NECTIN3: variants seen among roughly 807,000 people sequenced by gnomAD.
The protein encoded by NECTIN3 is nectin-3.
A neutral mutation model predicts 49.4 loss-of-function variants in NECTIN3; 8 were observed. The ratio of observed to expected loss-of-function variants is 0.16; its 90% CI spans 0.10 to 0.29. NECTIN3 has a LOEUF of 0.29. NECTIN3 is among the 10% of genes least tolerant of loss of function. NECTIN3 has a pLI of 1.00. For missense variants in NECTIN3, 581 were observed against 654.6 expected, an observed-to-expected ratio of 0.89 and a Z score of 1.23; for synonymous variants, 277 against 241.1, an observed-to-expected ratio of 1.15 and a Z score of -1.38.
chr3:111,113,767 T>C (rs2033572494), intron 2 of NECTIN3, among the ~76,000 whole-genome samples: 1 of 152,134 alleles, frequency 6.6e-6, no homozygotes, highest in Non-Finnish European at 1.5e-5. Flanking sequence ...ATGGATCACT[T>C]GAGGCCAGGA....
At chr3:111,099,471 AT>A (rs2032777048) in intron 1 of NECTIN3, among the ~76,000 whole-genome samples, 1 of 152,172 alleles carries the variant, frequency 6.6e-6, no homozygotes, top group African/African-American at 2.4e-5. Context: ...TCTTTTCTAG[AT>A]TATCAGTTCT....
In NECTIN3 at chr3:111,136,092, A is replaced by G; in HGVS notation, c.*1877A>G. 1.0e-6 allele frequency: 1 copy of G among 984,042 alleles called. No homozygotes were observed. Among genetic ancestry groups the G allele is most frequent in the Non-Finnish European group, 1.2e-6 (1 of 828,828 alleles). The allele number at this position is 984,042 out of a possible 1,614,324, so 61.0% of individuals were successfully genotyped here. On this transcript the variant is annotated 3_prime_UTR_variant, in exon 6 of 6. Transcript: ENST00000485303. ...TTAATTTAAACGATGAGGTGGCCAG[A>G]AGAAAGATGGGTCTAAAATTTCTCC...
At chr3:111,122,843 A>G (rs964319445) in intron 4 of NECTIN3, among the ~76,000 whole-genome samples, 2 of 151,984 alleles carry the variant, frequency 1.3e-5, no homozygotes, top group South Asian at 4.1e-4. Flanking sequence ...ATATTTTGTC[A>G]GTATTTAGGG....
chr3:111,157,929 A>C (rs924367420), intron 7 of NECTIN3, among the ~76,000 whole-genome samples: 5 of 152,138 alleles, frequency 3.3e-5, no homozygotes, highest in African/African-American at 4.8e-5. Flanking sequence ...CTAATGGGTT[A>C]TTATAAAAGC....
At position 111,135,133 on chromosome 3, in the gene NECTIN3, C is replaced by G. The variant is rs1270382163; in HGVS notation, c.*918C>G. The G allele has an allele frequency of 1.0e-6, 1 of 980,874 alleles. No individual in the cohort carries two copies. The allele number at this position is 980,874 out of a possible 1,614,324, so 60.8% of individuals were successfully genotyped here. A position where few individuals can be genotyped will look rare whatever the true frequency, so the allele number is the denominator to read the frequency against. Reference sequence around the variant, plus strand: ...TTTTAGAAATGAGACTTTCAGCCAACAATCTATAGAAAGAATTTTATGGAC... The same window carrying G: ...TTTTAGAAATGAGACTTTCAGCCAAGAATCTATAGAAAGAATTTTATGGAC... On this transcript the variant is annotated 3_prime_UTR_variant, in exon 6 of 6. Transcript: ENST00000485303.
chr3:111,176,309 A>G (rs1348423927), intron 7 of NECTIN3, among the ~76,000 whole-genome samples: 1 of 152,202 alleles, frequency 6.6e-6, no homozygotes, highest in Non-Finnish European at 1.5e-5. Flanking sequence ...AGGATTCTCC[A>G]GCTTTTGTAT....
At chr3:111,153,171 C>T (rs763471270) in intron 7 of NECTIN3, among the ~76,000 whole-genome samples, 3 of 151,766 alleles carry the variant, frequency 2.0e-5, no homozygotes, top group Admixed American at 6.6e-5. Context: ...AAAATGTTTT[C>T]GTCTTTTATA....
intron 7 of NECTIN3, among the ~76,000 whole-genome samples, chr3:111,164,442 A>G (rs2035278294): frequency 6.6e-6 from 1 of 152,260 alleles, no homozygotes; most frequent in South Asian, 2.1e-4. Context: ...CCATTAGCAA[A>G]TACTGTGACT....
At chr3:111,072,473 G>A in intron 1 of NECTIN3, 1 of 1,535,862 alleles carries the variant, frequency 6.5e-7, no homozygotes, top group Non-Finnish European at 8.7e-7. Context: ...GTTTGCTCCG[G>A]GGACCGTTAC....
chr3:111,110,744 C>G (rs1273974825), intron 1 of NECTIN3, among the ~76,000 whole-genome samples: 1 of 151,966 alleles, frequency 6.6e-6, no homozygotes, highest in Non-Finnish European at 1.5e-5. Context: ...GGTTAAAAAA[C>G]TGAAACTTAA....
chr3:111,136,752 T>G lies in NECTIN3; in HGVS notation c.*2537T>G. On this transcript the variant is annotated 3_prime_UTR_variant, in exon 6 of 6. Transcript: ENST00000485303. ...TCATATGGTTTGAACTGTTTTAGCA[T>G]TTTGTAAATTCACTTGAGAGTTTTC... The G allele has an allele frequency of 1.1e-6, 1 of 922,608 alleles. No individual in the cohort carries two copies. The highest frequency in any genetic ancestry group is 1.3e-6 in the Non-Finnish European group (1 of 773,094). 57.2% of individuals were successfully genotyped at this position (922,608 alleles called of 1,614,324 possible).
chr3:111,194,097 T>C (rs537950449), intron 1 of NECTIN3, among the ~76,000 whole-genome samples: 1 of 152,204 alleles, frequency 6.6e-6, no homozygotes, highest in Non-Finnish European at 1.5e-5. Context: ...TCTGTCACTG[T>C]TCCTACAGTC....
chr3:111,177,733 C>T (rs779926476), intron 7 of NECTIN3, among the ~76,000 whole-genome samples: 1 of 152,098 alleles, frequency 6.6e-6, no homozygotes, highest in Non-Finnish European at 1.5e-5. Context: ...AGCAGAGATG[C>T]CCCTTGTGAA....
chr3:111,079,370 A>G (rs949834945), intron 1 of NECTIN3, among the ~76,000 whole-genome samples: 2 of 151,978 alleles, frequency 1.3e-5, no homozygotes, highest in African/African-American at 4.8e-5. Context: ...TTTTCATTAT[A>G]TTTGTAGTTA....
chr3:111,112,386 A>T lies in NECTIN3; in HGVS notation c.502+15A>T. 1 of 1,458,286 alleles carries T rather than the reference A, an allele frequency of 6.9e-7. No individual in the cohort carries two copies. The highest frequency in any genetic ancestry group is 2.3e-5 in the East Asian group (1 of 42,882). 90.3% of individuals were successfully genotyped at this position (1,458,286 alleles called of 1,614,324 possible). On this transcript the variant is annotated intron_variant, in intron 2 of 5. Coordinates refer to ENST00000485303, the MANE Select transcript of NECTIN3 (RefSeq NM_015480.3). ...AACTGTGTTAGGTAGGTATGCTTGA[A>T]TTATGTATTTTGGTGATAGTGGTGA...
rs940095502 is a variant in NECTIN3, at chr3:111,145,174, G to A, written c.1139+137G>A. 9 of 1,010,066 alleles carry A rather than the reference G, an allele frequency of 8.9e-6. No homozygotes were observed. In the Middle Eastern group the frequency reaches 6.9e-4, roughly 77 times the overall value. The allele number at this position is 1,010,066 out of a possible 1,614,324, so 62.6% of individuals were successfully genotyped here. On this transcript the variant is annotated intron_variant, in intron 6 of 8. Coordinates refer to the NECTIN3 transcript ENST00000493615. ...GTTAGGCCTTTGTTAGATGACCGTG[G>A]TTTCATCAGAATATCTCAAACTATA...
intron 1 of NECTIN3, 123 bp from the exon 2 acceptor site, chr3:111,111,907 G>GTGTGCA (rs1553722299): frequency 1.1e-5 from 1 of 94,872 alleles, no homozygotes; most frequent in Non-Finnish European, 2.0e-5. Context: ...GCATGTGTGT[G>GTGTGCA]TGTGTGTGTG....
chr3:111,179,967 C>T (rs1250118782), intron 7 of NECTIN3, among the ~76,000 whole-genome samples: 1 of 151,228 alleles, frequency 6.6e-6, no homozygotes, highest in Non-Finnish European at 1.5e-5. Flanking sequence ...GCACTGATCA[C>T]AACTGATTGT....
Position 111,118,831 on chromosome 3 carries a change from G to C in NECTIN3, c.678G>C (p.Thr226=). Residue 226 remains threonine, a synonymous_variant, in exon 3 of 6, where the codon ACG becomes ACC. Coordinates refer to ENST00000485303, the MANE Select transcript of NECTIN3 (RefSeq NM_015480.3). ...CTTCTTTTCCAAATGAAACGGCAAC[G>C]ATTATCAGCCAGTACAAGCTATTTC... ...TTTSFPNETA[T]IISQYKLFPT... is the part of the protein sequence containing the mutation. 6.2e-7 allele frequency: 1 copy of C among 1,614,096 alleles called. No homozygotes were observed.
Sources: allele counts gnomAD v4.1 joint callset (sites outside exome capture counted in the v4.1 genomes callset), GRCh38; gene constraint gnomAD v4.1.1; transcripts MANE v1.5; gene names NCBI Gene and HGNC (gene_info 2026-07-23, HGNC 2026-07-21).